The following CDC40 variants were observed in gnomAD, a reference collection of about 807,000 sequenced individuals.
The protein encoded by CDC40 is pre-mRNA-processing factor 17.
A neutral mutation model predicts 80.6 loss-of-function variants in CDC40; 27 were observed. That is an observed-to-expected ratio of 0.33 (90% CI 0.25 to 0.46). The LOEUF is 0.46. CDC40 is among the 20% of genes least tolerant of loss of function. The pLI is 1.00. For missense variants in CDC40, 486 were observed against 694.1 expected (o/e 0.70, Z 3.37); for synonymous variants, 221 against 232.6 (o/e 0.95, Z 0.45).
chr6:110,199,322 G>A (rs1413003734), intron 2 of CDC40, among the ~76,000 whole-genome samples: 1 of 152,092 alleles, frequency 6.6e-6, no homozygotes, highest in Non-Finnish European at 1.5e-5. Flanking sequence ...GCGGGGCGCG[G>A]TGGCTCATGC....
At chr6:110,193,554 A>G (rs1199281978) in intron 2 of CDC40, among the ~76,000 whole-genome samples, 2 of 151,710 alleles carry the variant, frequency 1.3e-5, no homozygotes, top group Admixed American at 6.6e-5. Context: ...ACAGGCGCCC[A>G]CCACCACGCC....
At chr6:110,207,776 C>A (rs553983027) in intron 4 of CDC40, among the ~76,000 whole-genome samples, 187 bp downstream of exon 4, 4 of 151,954 alleles carry the variant, frequency 2.6e-5, no homozygotes, top group Non-Finnish European at 5.9e-5. Flanking sequence ...TTGCTTTTGC[C>A]GCTTACTAGT....
In CDC40 at chr6:110,212,957, G is replaced by A; in HGVS notation, c.868-129G>A. The A allele has an allele frequency of 9.8e-6, 7 of 713,494 alleles. No homozygotes were observed. The South Asian group carries it at 1.1e-4, about 11-fold the overall frequency. The allele number at this position is 713,494 out of a possible 1,614,324, so 44.2% of individuals were successfully genotyped here. On this transcript the variant is annotated intron_variant, in intron 7 of 14. Coordinates refer to ENST00000307731, the MANE Select transcript of CDC40 (RefSeq NM_015891.3). ...TTGGAATGCTAATGAAAGTTATTCTGGGGTGAGATTTTTGGAATGAAGAAA... is the reference window on the plus strand; with the variant it reads ...TTGGAATGCTAATGAAAGTTATTCTAGGGTGAGATTTTTGGAATGAAGAAA...
chr6:110,197,955 T>A (rs1777439956), intron 2 of CDC40, among the ~76,000 whole-genome samples: 5 of 152,158 alleles, frequency 3.3e-5, no homozygotes, highest in Non-Finnish European at 1.5e-5. Flanking sequence ...TATTTTTAAT[T>A]TTTTGAGGAG....
intron 12 of CDC40, among the ~76,000 whole-genome samples, chr6:110,222,383 C>A (rs1005182562): frequency 9.2e-5 from 14 of 152,102 alleles, no homozygotes; most frequent in African/African-American, 3.1e-4. Flanking sequence ...ATGGTAAAAC[C>A]CCGTCTGTAC....
Position 110,180,626 on chromosome 6 carries a change from C to T in CDC40, c.182C>T (p.Ala61Val). 6.2e-7 allele frequency: 1 copy of T among 1,611,666 alleles called. No homozygotes were observed. Among genetic ancestry groups the T allele is most frequent in the Non-Finnish European group, 8.5e-7 (1 of 1,177,930 alleles). The part of the protein sequence containing the change: ...AVAVDSAPEV[A>V]VKEDLETGVH... ...GCAGTGGACTCGGCTCCGGAGGTGGCAGTTAAGGTAAGCACTTTTGCTACT... is the reference window on the plus strand; with the variant it reads ...GCAGTGGACTCGGCTCCGGAGGTGGTAGTTAAGGTAAGCACTTTTGCTACT... Residue 61 changes from alanine to valine, a missense_variant, in exon 1 of 15, where the codon GCA (alanine) becomes GTA (valine). Physicochemically the swap from Ala to Val is moderately conservative, Grantham distance 64. This residue lies in a region of CDC40 where 381 missense variants were observed against 492.1 expected (regional missense o/e 0.77). Transcript: ENST00000307731.
chr6:110,194,054 C>T (rs1012723800), intron 2 of CDC40, among the ~76,000 whole-genome samples: 14 of 152,042 alleles, frequency 9.2e-5, no homozygotes, highest in Admixed American at 3.3e-4. Flanking sequence ...AAACAAAGTA[C>T]TGGATTTTTT....
chr6:110,212,239 A>G lies in CDC40; in HGVS notation c.834A>G (p.Lys278=), dbSNP rs1195991227. 1 of 1,614,000 alleles carries G rather than the reference A, an allele frequency of 6.2e-7. No individual in the cohort carries two copies. The highest frequency in any genetic ancestry group is 1.3e-5 in the African/African-American group (1 of 74,930). ...TMPPEKCYLP[K]KQIHVWSGHT... ...CACCTGAGAAGTGTTATCTTCCCAA[A>G]AAACAAATTCATGTGTGGTCTGGAC... The change falls in exon 7 of 15, where the codon AAA becomes AAG. Residue 278 remains lysine (K), a synonymous_variant. Transcript: ENST00000307731.
chr6:110,224,949 C>T (rs534938191), intron 12 of CDC40, among the ~76,000 whole-genome samples: 1 of 152,264 alleles, frequency 6.6e-6, no homozygotes, highest in African/African-American at 2.4e-5. Context: ...AGGGAAGAAA[C>T]AAGCCTTTTT....
At chr6:110,194,633 C>T (rs1006781065) in intron 2 of CDC40, among the ~76,000 whole-genome samples, 2 of 152,148 alleles carry the variant, frequency 1.3e-5, no homozygotes, top group African/African-American at 4.8e-5. Flanking sequence ...CTGGTGGTCT[C>T]ATATCCATTG....
chr6:110,200,883 G>A (rs766503978), intron 2 of CDC40, among the ~76,000 whole-genome samples: 1 of 152,056 alleles, frequency 6.6e-6, no homozygotes, highest in Non-Finnish European at 1.5e-5. Flanking sequence ...GGCACTATTC[G>A]GTATAAGAAA....
In CDC40 at chr6:110,209,173, G is replaced by A; in HGVS notation, c.580G>A (p.Gly194Arg). ...TGCATCCAATATTGATGGTTTTTTG[G>A]GACCATGGGCAAAATATGTGGATGA... is the stretch of plus-strand genomic sequence containing the variant. ...NDASNIDGFL[G>R]PWAKYVDEKD... The change falls in exon 5 of 15, where the codon GGA becomes AGA. Residue 194 changes from glycine (G) to arginine (R), a missense_variant. Around this residue, in one of 3 missense-constraint regions of CDC40, gnomAD observed 381 missense variants for 492.1 expected, o/e 0.77. Coordinates refer to ENST00000307731, the MANE Select transcript of CDC40 (RefSeq NM_015891.3). 1.9e-6 allele frequency: 3 copies of A among 1,611,814 alleles called. No homozygotes were observed. The highest frequency in any genetic ancestry group is 1.1e-5 in the South Asian group (1 of 91,000).
intron 2 of CDC40, among the ~76,000 whole-genome samples, chr6:110,200,485 A>C (rs1478046499): frequency 6.6e-6 from 1 of 152,208 alleles, no homozygotes; most frequent in Non-Finnish European, 1.5e-5. Flanking sequence ...GCCCTTTCCA[A>C]AGTGGGAAGC....
At chr6:110,195,743 G>A (rs1175543629) in intron 2 of CDC40, among the ~76,000 whole-genome samples, 1 of 152,128 alleles carries the variant, frequency 6.6e-6, no homozygotes, top group Non-Finnish European at 1.5e-5. Context: ...CAAACAGCAT[G>A]AGCCGAATCA....
intron 9 of CDC40, among the ~76,000 whole-genome samples, chr6:110,215,953 A>C (rs1212094820): frequency 6.6e-6 from 1 of 152,222 alleles, no homozygotes; most frequent in Non-Finnish European, 1.5e-5. Context: ...TGAGACAGGA[A>C]TCTAGAGTGA....
chr6:110,207,616 A>T, intron 4 of CDC40, 27 bp downstream of exon 4: 2 of 1,121,108 alleles, frequency 1.8e-6, no homozygotes, highest in Non-Finnish European at 2.7e-6. Flanking sequence ...ATTTGATATC[A>T]TATATACCTA....
intron 3 of CDC40, among the ~76,000 whole-genome samples, chr6:110,203,413 C>T (rs746683487): frequency 2.3e-4 from 35 of 152,060 alleles, no homozygotes; most frequent in Non-Finnish European, 4.4e-4. Flanking sequence ...GAGACCTTTC[C>T]GTTACCTTCC....
At chr6:110,201,133 T>C (rs1777487889) in intron 2 of CDC40, among the ~76,000 whole-genome samples, 2 of 152,110 alleles carry the variant, frequency 1.3e-5, no homozygotes, top group Non-Finnish European at 2.9e-5. Context: ...AAAAGAAACA[T>C]GTAGTTTTTA....
intron 1 of CDC40, among the ~76,000 whole-genome samples, chr6:110,180,844 G>C (rs150370889): frequency 1.3e-5 from 2 of 152,312 alleles, no homozygotes; most frequent in Non-Finnish European, 2.9e-5. Flanking sequence ...CTTGCCTCCC[G>C]CCATCAGAAA....
Sources: gnomAD v4.1 joint callset for allele counts (sites outside exome capture counted in the v4.1 genomes callset) on GRCh38, gnomAD v4.1.1 for gene constraint, gnomAD v4.1.1 regional missense constraint, MANE v1.5 for transcripts, NCBI Gene and HGNC (gene_info 2026-07-23, HGNC 2026-07-21) for gene names.